The following DNAH11 variants were observed in gnomAD, a reference collection of about 807,000 sequenced individuals.
DNAH11 encodes the protein dynein axonemal heavy chain 11, also known as axonemal beta dynein heavy chain 11.
Under a neutral mutation model 526.0 loss-of-function variants are expected in DNAH11, and 442 were observed. That is an observed-to-expected ratio of 0.84 (90% CI 0.78 to 0.91). The LOEUF (loss-of-function observed/expected upper bound fraction) is 0.91. Ranked by LOEUF, DNAH11 falls within the 40% of genes least tolerant of loss-of-function variation. The pLI, the probability that DNAH11 is intolerant of heterozygous loss-of-function variation, is 0.00. For missense variants in DNAH11, 6,989 were observed against 5,448.7 expected (o/e 1.28, Z -8.90); for synonymous variants, 2,461 against 1,935.9 (o/e 1.27, Z -7.12).
rs567442522 is a variant in DNAH11 at position 21,899,291 on chromosome 7, A to ATT, written c.13050-42_13050-41dup. The ATT allele has an allele frequency of 5.2e-5, 78 of 1,513,036 alleles. No individual in the cohort carries two copies. In the South Asian group the frequency reaches 8.2e-4, roughly 16 times the overall value. 93.7% of individuals were successfully genotyped at this position (1,513,036 alleles called of 1,614,324 possible). A position where few individuals can be genotyped will look rare whatever the true frequency, so the allele number is the denominator to read the frequency against. ...CAACAGAACATACTGGAAAATGGCTATTTTACTGAACAGCAAGTTTTTCTT... is the reference window on the plus strand; with the variant it reads ...CAACAGAACATACTGGAAAATGGCTATTTTTTACTGAACAGCAAGTTTTTCTT... On this transcript the variant is annotated intron_variant, in intron 79 of 81. Coordinates refer to ENST00000409508, the MANE Select transcript of DNAH11 (RefSeq NM_001277115.2).
chr7:21,544,335 A>G (rs1301107632), intron 1 of DNAH11, among the ~76,000 whole-genome samples: 1 of 152,218 alleles, frequency 6.6e-6, no homozygotes. Flanking sequence ...TCATTGTAAT[A>G]GTTGGGAAAT....
At chr7:21,728,621 A>C (rs1562513483) in intron 45 of DNAH11, among the ~76,000 whole-genome samples, 1 of 152,126 alleles carries the variant, frequency 6.6e-6, no homozygotes, top group South Asian at 2.1e-4. Flanking sequence ...ATATAATCCA[A>C]ATATCATCTA....
chr7:21,788,705 C>T (rs1186829435), intron 60 of DNAH11, among the ~76,000 whole-genome samples: 1 of 152,084 alleles, frequency 6.6e-6, no homozygotes, highest in Non-Finnish European at 1.5e-5. Flanking sequence ...TATCTCCCAC[C>T]CTCCTTTCTG....
chr7:21,736,527 C>T (rs1280630126), intron 46 of DNAH11, among the ~76,000 whole-genome samples: 1 of 152,176 alleles, frequency 6.6e-6, no homozygotes, highest in African/African-American at 2.4e-5. Context: ...TGAATGTGGG[C>T]TCCTGGGGTA....
At chr7:21,651,723 G>A (rs1467461525) in intron 28 of DNAH11, among the ~76,000 whole-genome samples, 1 of 152,204 alleles carries the variant, frequency 6.6e-6, no homozygotes, top group Non-Finnish European at 1.5e-5. Context: ...ACTAAGGTTT[G>A]GTTAAATAAC....
At chr7:21,649,431 A>T (rs2128463248) in intron 28 of DNAH11, among the ~76,000 whole-genome samples, 1 of 152,292 alleles carries the variant, frequency 6.6e-6, no homozygotes, top group African/African-American at 2.4e-5. Flanking sequence ...TATATATTGT[A>T]TTGTCTTTAT....
At chr7:21,899,589 C>G in intron 80 of DNAH11, 141 bp downstream of exon 80, 1 of 722,628 alleles carries the variant, frequency 1.4e-6, no homozygotes, top group South Asian at 1.9e-5. Context: ...GGACCAGCAG[C>G]TATAGAGGAA....
chr7:21,657,387 G>C (rs775179662), intron 29 of DNAH11, among the ~76,000 whole-genome samples: 9 of 152,142 alleles, frequency 5.9e-5, no homozygotes, highest in Non-Finnish European at 1.2e-4. Flanking sequence ...GTTATAGGGG[G>C]TTGGTTGAGA....
At position 21,786,704 on chromosome 7, in the gene DNAH11, G is replaced by A. The variant is rs1287788260; in HGVS notation, c.9678G>A (p.Leu3226=). 2 of 1,613,842 alleles carry A rather than the reference G, an allele frequency of 1.2e-6. No homozygotes were observed. Among genetic ancestry groups the A allele is most frequent in the Non-Finnish European group, 1.7e-6 (2 of 1,179,786 alleles). The part of the protein sequence containing the change: ...TNVTAAVMVL[L]APRGRVPKDR... ...TTACTGCAGCCGTGATGGTCCTTCT[G>A]GCTCCTCGGGGAAGAGTGCCCAAAG... Residue 3226 remains leucine, a synonymous_variant, in exon 59 of 82, where the codon CTG becomes CTA. Coordinates refer to ENST00000409508, the MANE Select transcript of DNAH11 (RefSeq NM_001277115.2).
chr7:21,787,631 G>T (rs374147282), intron 60 of DNAH11, 48 bp downstream of exon 60: 8 of 1,468,160 alleles, frequency 5.4e-6, no homozygotes, highest in African/African-American at 4.2e-5. Flanking sequence ...ACAAAGGGCT[G>T]CAAACACATC....
chr7:21,829,683 T>A (rs1421197101), intron 65 of DNAH11, among the ~76,000 whole-genome samples: 3 of 152,338 alleles, frequency 2.0e-5, no homozygotes, highest in Middle Eastern at 3.4e-3. Flanking sequence ...TTTCCAACAG[T>A]AACTATACTA....
In DNAH11 at chr7:21,601,180, G is replaced by A. The variant is rs765958312; in HGVS notation, c.3425+1G>A. 4 of 1,588,576 alleles carry A rather than the reference G, an allele frequency of 2.5e-6. No homozygotes were observed. In the South Asian group the frequency reaches 3.5e-5, roughly 14 times the overall value. ...ATCTTTTGAGATTTGTCATTGACAG[G>A]TAGCCTTTTACTTTGGTTTTTGGAA... On this transcript the variant is annotated splice_donor_variant, in intron 17 of 81. Transcript: ENST00000409508. LOFTEE classifies it high-confidence loss of function.
At chr7:21,851,517 A>G (rs1782637313) in intron 66 of DNAH11, 1 of 470,932 alleles carries the variant, frequency 2.1e-6, no homozygotes, top group Non-Finnish European at 4.4e-6. Context: ...AGTTCTGGAC[A>G]TATTTAAAAT....
chr7:21,570,522 A>G (rs1783845507), intron 7 of DNAH11: 1 of 416,278 alleles, frequency 2.4e-6, no homozygotes, highest in Non-Finnish European at 4.2e-6. Context: ...TTCCATTATT[A>G]CATTGAGTAT....
chr7:21,885,035 GC>G (rs763918862), intron 76 of DNAH11, among the ~76,000 whole-genome samples: 19 of 151,278 alleles, frequency 1.3e-4, no homozygotes, highest in Non-Finnish European at 2.5e-4. Context: ...ATCACACTGT[GC>G]CCCATAAATA....
intron 28 of DNAH11, among the ~76,000 whole-genome samples, chr7:21,649,623 C>T (rs1345540642): frequency 6.6e-6 from 1 of 151,202 alleles, no homozygotes; most frequent in Non-Finnish European, 1.5e-5. Context: ...TGGCATGCAC[C>T]ATGAGGAGTC....
At chr7:21,869,114 C>T (rs1452767557) in intron 73 of DNAH11, 123 bp downstream of exon 73, 2 of 1,359,254 alleles carry the variant, frequency 1.5e-6, no homozygotes, top group East Asian at 2.5e-5. Context: ...AGAGTGCAAG[C>T]AGTACTGTCA....
At chr7:21,784,587 A>T in intron 58 of DNAH11, 47 bp downstream of exon 58, 1 of 1,398,222 alleles carries the variant, frequency 7.2e-7, no homozygotes, top group South Asian at 1.5e-5. Flanking sequence ...GTAATATTTA[A>T]AGGTTATTAG....
At chr7:21,611,529 T>TA (rs1785523541) in intron 20 of DNAH11, among the ~76,000 whole-genome samples, 1 of 152,132 alleles carries the variant, frequency 6.6e-6, no homozygotes, top group Non-Finnish European at 1.5e-5. Context: ...CCGTGACTAA[T>TA]ACACTGGTCA....
Sources: allele counts gnomAD v4.1 joint callset (sites outside exome capture counted in the v4.1 genomes callset), GRCh38; gene constraint gnomAD v4.1.1; transcripts MANE v1.5; gene names NCBI Gene and HGNC (gene_info 2026-07-23, HGNC 2026-07-21).